The following STARD13 variants were observed in gnomAD, a reference collection of about 807,000 sequenced individuals.
The protein encoded by STARD13 is StAR related lipid transfer domain containing 13, also known as stAR-related lipid transfer protein 13.
A neutral mutation model predicts 106.4 loss-of-function variants in STARD13; 62 were observed. The observed-to-expected ratio is 0.58, with a 90% CI of 0.48 to 0.72. The LOEUF is 0.72. Ranked by LOEUF, STARD13 falls within the 30% of genes least tolerant of loss-of-function variation. The pLI is 0.00. For missense variants in STARD13, 1,387 were observed against 1,424.0 expected (o/e 0.97, Z 0.42); for synonymous variants, 565 against 553.0 (o/e 1.02, Z -0.31).
At chr13:33,653,909 C>T in the STARD13 span, among the ~76,000 whole-genome samples, 49 of 152,154 alleles carry the variant, frequency 3.2e-4, no homozygotes, top group African/African-American at 1.2e-3. Flanking sequence ...ATACAAATGG[C>T]CAACCCACAC....
chr13:33,648,380 C>T, the STARD13 span, among the ~76,000 whole-genome samples: 1 of 152,198 alleles, frequency 6.6e-6, no homozygotes, highest in African/African-American at 2.4e-5. Context: ...TCTAGTACAG[C>T]GGTTTCAGCC....
chr13:33,352,962 T>C (rs1180220370), upstream of STARD13, among the ~76,000 whole-genome samples: 2 of 152,202 alleles, frequency 1.3e-5, no homozygotes, highest in Non-Finnish European at 2.9e-5. Context: ...CCCCTAGCCC[T>C]ACCTACCTTC....
intron 10 of STARD13, 88 bp from the exon 11 acceptor site, chr13:33,110,995 C>T (rs930344815): frequency 9.8e-5 from 119 of 1,216,622 alleles, no homozygotes; most frequent in South Asian, 7.7e-5. Flanking sequence ...ACCCACAACC[C>T]GGCTCTGAGC....
At chr13:33,238,796 T>C (rs1367193240) in intron 1 of STARD13, among the ~76,000 whole-genome samples, 1 of 152,128 alleles carries the variant, frequency 6.6e-6, no homozygotes, top group East Asian at 1.9e-4. Flanking sequence ...ATATACATTA[T>C]CTCTGTAATC....
chr13:33,559,256 G>A, the STARD13 span, among the ~76,000 whole-genome samples: 2 of 151,464 alleles, frequency 1.3e-5, no homozygotes, highest in Non-Finnish European at 2.9e-5. Context: ...TTTTAATAAT[G>A]TTATGTTTTG....
intron 1 of STARD13, among the ~76,000 whole-genome samples, chr13:33,314,884 T>C (rs946847525): frequency 2.0e-5 from 3 of 152,218 alleles, no homozygotes; most frequent in African/African-American, 4.8e-5. Flanking sequence ...CTGTACCTGA[T>C]AATATAATCT....
At chr13:33,136,746 T>C (rs890540789) in intron 4 of STARD13, among the ~76,000 whole-genome samples, 2 of 152,186 alleles carry the variant, frequency 1.3e-5, no homozygotes, top group Non-Finnish European at 2.9e-5. Context: ...AGCTGCTGTG[T>C]CGCTCAATAA....
At chr13:33,264,118 T>C (rs1012968027) in intron 1 of STARD13, among the ~76,000 whole-genome samples, 5 of 152,168 alleles carry the variant, frequency 3.3e-5, no homozygotes, top group African/African-American at 1.2e-4. Context: ...AGAGGCAGCA[T>C]CCACTGCCAG....
At chr13:33,378,023 A>G in the STARD13 span, among the ~76,000 whole-genome samples, 2 of 152,194 alleles carry the variant, frequency 1.3e-5, no homozygotes, top group Non-Finnish European at 2.9e-5. Context: ...GCCCTGGGAC[A>G]ATGCTGGTAT....
At chr13:33,585,378 T>C in the STARD13 span, among the ~76,000 whole-genome samples, 4 of 152,052 alleles carry the variant, frequency 2.6e-5, no homozygotes, top group Admixed American at 2.0e-4. Context: ...GAAATAAATG[T>C]CTATTGACAA....
the STARD13 span, among the ~76,000 whole-genome samples, chr13:33,501,134 A>G: frequency 8.4e-6 from 1 of 118,894 alleles, no homozygotes; most frequent in African/African-American, 3.4e-5. Flanking sequence ...CTCAGGCTGG[A>G]GTGCAGTGGC....
chr13:33,496,106 T>G, the STARD13 span, among the ~76,000 whole-genome samples: 8 of 141,956 alleles, frequency 5.6e-5, no homozygotes, highest in African/African-American at 2.0e-4. Flanking sequence ...AATAATTATT[T>G]AAATAATTTT....
At chr13:33,605,477 T>C in the STARD13 span, among the ~76,000 whole-genome samples, 1 of 151,672 alleles carries the variant, frequency 6.6e-6, no homozygotes. Flanking sequence ...ACCAACACTT[T>C]TGTAAAATAC....
At chr13:33,523,621 A>T in the STARD13 span, among the ~76,000 whole-genome samples, 3 of 152,166 alleles carry the variant, frequency 2.0e-5, no homozygotes, top group African/African-American at 7.2e-5. Context: ...TAAAAGATTC[A>T]AAAAAGTTAT....
the STARD13 span, among the ~76,000 whole-genome samples, chr13:33,460,786 C>T: frequency 6.6e-6 from 1 of 151,902 alleles, no homozygotes; most frequent in Non-Finnish European, 1.5e-5. Context: ...TTGCACTCAA[C>T]TAAAATTGCC....
At chr13:33,500,062 T>C in the STARD13 span, among the ~76,000 whole-genome samples, 10 of 152,014 alleles carry the variant, frequency 6.6e-5, 1 homozygote, top group Admixed American at 6.6e-4. Context: ...TTCCTCTTCT[T>C]ACAAAAATAC....
the STARD13 span, among the ~76,000 whole-genome samples, chr13:33,620,012 G>C: frequency 4.6e-5 from 7 of 152,116 alleles, no homozygotes; most frequent in Middle Eastern, 6.8e-3. Context: ...AGCTAAGATC[G>C]TGCCACTATA....
At chr13:33,595,220 T>A in the STARD13 span, among the ~76,000 whole-genome samples, 2 of 150,564 alleles carry the variant, frequency 1.3e-5, no homozygotes, top group Admixed American at 6.6e-5. Flanking sequence ...AGAGAGAAGC[T>A]TACTTCATTA....
intron 1 of STARD13, among the ~76,000 whole-genome samples, chr13:33,308,606 C>A (rs868698328): frequency 1.4e-5 from 2 of 146,400 alleles, no homozygotes; most frequent in South Asian, 2.2e-4. Context: ...TCACTGCAAC[C>A]CTTACCTCCT....
Sources: gnomAD v4.1 joint callset for allele counts (sites outside exome capture counted in the v4.1 genomes callset) on GRCh38, gnomAD v4.1.1 for gene constraint, MANE v1.5 for transcripts, NCBI Gene and HGNC (gene_info 2026-07-23, HGNC 2026-07-21) for gene names.